Variants in CACNA1E observed in about 807,000 individuals in gnomAD.
The protein encoded by CACNA1E is voltage-dependent R-type calcium channel subunit alpha-1E.
Under a neutral mutation model 259.2 loss-of-function variants are expected in CACNA1E, and 40 were observed. That is an observed-to-expected ratio of 0.15 (90% confidence interval 0.12 to 0.20). CACNA1E has a LOEUF of 0.20. CACNA1E is among the 10% of genes least tolerant of loss of function. The probability of loss-of-function intolerance (pLI) is 1.00; values close to 1 mark genes in which losing one functional copy is unlikely to be tolerated. For missense variants in CACNA1E, 1,874 were observed against 3,040.1 expected, an observed-to-expected ratio of 0.62 and a Z score of 9.02; for synonymous variants, 1,104 against 1,138.5, an observed-to-expected ratio of 0.97 and a Z score of 0.61.
At position 181,651,227 on chromosome 1, in the gene CACNA1E, A is replaced by G. The variant is rs925521967; in HGVS notation, c.952-111A>G. The G allele has an allele frequency of 4.4e-6, 3 of 685,188 alleles. No individual in the cohort carries two copies. In the East Asian group the frequency reaches 7.8e-5, roughly 18 times the overall value. The allele number at this position is 685,188 out of a possible 1,614,324, so 42.4% of individuals were successfully genotyped here. On this transcript the variant is annotated intron_variant, in intron 6 of 47. Transcript: ENST00000367573. ...TTGGGAATGGAGTAAGGCAATATTT[A>G]ACTGTATTGCATTGTGGTTTTTACA...
intron 1 of CACNA1E, among the ~76,000 whole-genome samples, chr1:181,335,605 C>T (rs939843561): frequency 6.6e-6 from 1 of 152,184 alleles, no homozygotes; most frequent in Admixed American, 6.5e-5. Context: ...GGCCTGCATC[C>T]TGGAGCATGC....
chr1:181,590,054 C>T (rs563481064), intron 6 of CACNA1E, among the ~76,000 whole-genome samples: 6 of 152,214 alleles, frequency 3.9e-5, no homozygotes, highest in Admixed American at 2.0e-4. Flanking sequence ...AAACAATATG[C>T]GTAGATTTAC....
intron 1 of CACNA1E, among the ~76,000 whole-genome samples, chr1:181,377,002 C>T (rs1655144490): frequency 6.6e-6 from 1 of 152,088 alleles, no homozygotes; most frequent in Non-Finnish European, 1.5e-5. Flanking sequence ...CTGTATGGTC[C>T]CTTACCTTGA....
chr1:181,673,065 A>C (rs1483644307), intron 7 of CACNA1E, among the ~76,000 whole-genome samples: 1 of 152,196 alleles, frequency 6.6e-6, no homozygotes, highest in Non-Finnish European at 1.5e-5. Flanking sequence ...TTATGTGTTA[A>C]TTGAGAGGGT....
rs1172091933 is a variant in CACNA1E at position 181,473,451 on chromosome 1, G to A, written c.435-10293G>A. Among the ~76,000 whole-genome samples the A allele has an allele frequency of 2.0e-5, 3 of 152,204 alleles. No individual in the cohort carries two copies. In the East Asian group the frequency reaches 5.8e-4, roughly 29 times the overall value. Reference sequence around the variant, plus strand: ...TTCTTGATCTGACTCCTGTTGCTCTGGGATATTGCAATGCAAAATGACAGC... The same window carrying A: ...TTCTTGATCTGACTCCTGTTGCTCTAGGATATTGCAATGCAAAATGACAGC... On this transcript the variant is annotated intron_variant, in intron 2 of 11. Transcript: ENST00000524607.
chr1:181,791,294 A>G (rs577639337), intron 44 of CACNA1E, among the ~76,000 whole-genome samples: 1 of 152,114 alleles, frequency 6.6e-6, no homozygotes, highest in South Asian at 2.1e-4. Flanking sequence ...ACACGGTGAA[A>G]CCCCGTCTCT....
chr1:181,562,936 T>C (rs903263100), intron 3 of CACNA1E, among the ~76,000 whole-genome samples: 2 of 152,212 alleles, frequency 1.3e-5, no homozygotes, highest in Admixed American at 6.5e-5. Flanking sequence ...TTCCTGTATA[T>C]AGGCACAATT....
chr1:181,522,502 A>C (rs1479994092), intron 3 of CACNA1E, among the ~76,000 whole-genome samples: 1 of 152,244 alleles, frequency 6.6e-6, no homozygotes, highest in Admixed American at 6.5e-5. Context: ...TCAAAAGATC[A>C]AGCCAACCCA....
intron 1 of CACNA1E, among the ~76,000 whole-genome samples, chr1:181,407,455 A>C (rs992661049): frequency 6.6e-5 from 10 of 152,204 alleles, no homozygotes; most frequent in African/African-American, 2.4e-4. Flanking sequence ...GTTTGAAGAC[A>C]TGGTTCCTAG....
chr1:181,636,944 CCTT>C (rs1351680485), intron 6 of CACNA1E, among the ~76,000 whole-genome samples: 3 of 152,208 alleles, frequency 2.0e-5, no homozygotes, highest in African/African-American at 7.2e-5. Flanking sequence ...GTTTTCTGAA[CCTT>C]CTCCAAAGAG....
intron 1 of CACNA1E, among the ~76,000 whole-genome samples, chr1:181,410,348 C>T (rs1158172374): frequency 6.6e-6 from 1 of 152,192 alleles, no homozygotes; most frequent in Admixed American, 6.5e-5. Context: ...TCCCTGATCC[C>T]TTGACCTGGC....
intron 25 of CACNA1E, among the ~76,000 whole-genome samples, chr1:181,745,659 C>T (rs574502575): frequency 2.0e-5 from 3 of 152,278 alleles, no homozygotes; most frequent in Non-Finnish European, 4.4e-5. Context: ...AGCCACCTTC[C>T]TAATCCACAT....
intron 1 of CACNA1E, among the ~76,000 whole-genome samples, chr1:181,330,860 C>T (rs2102596048): frequency 6.6e-6 from 1 of 152,284 alleles, no homozygotes; most frequent in East Asian, 1.9e-4. Flanking sequence ...TACCTAACCT[C>T]ACAGGATTTG....
intron 3 of CACNA1E, among the ~76,000 whole-genome samples, chr1:181,531,017 A>C (rs963858221): frequency 6.6e-6 from 1 of 152,212 alleles, no homozygotes; most frequent in East Asian, 1.9e-4. Context: ...ATCTACATCT[A>C]TATTTCATAT....
At chr1:181,366,867 A>G (rs768765643) in intron 1 of CACNA1E, among the ~76,000 whole-genome samples, 4 of 152,204 alleles carry the variant, frequency 2.6e-5, no homozygotes, top group Non-Finnish European at 5.9e-5. Flanking sequence ...CTTAACCTGT[A>G]TGATCTATAA....
At position 181,772,327 on chromosome 1, in the gene CACNA1E, G is replaced by A. The variant is rs958472430; in HGVS notation, c.5139+96G>A. ...ACCGGAGATGTTTGCTTCAGTGTAT[G>A]TTTGTGCCTCCCTCCCCTCCTCTCT... On this transcript the variant is annotated intron_variant, in intron 37 of 47. Coordinates refer to ENST00000367573, the MANE Select transcript of CACNA1E (RefSeq NM_001205293.3). The A allele has an allele frequency of 3.1e-6, 4 of 1,274,906 alleles. No individual in the cohort carries two copies. In the African/African-American group the frequency reaches 5.9e-5, roughly 19 times the overall value. 79.0% of individuals were successfully genotyped at this position (1,274,906 alleles called of 1,614,324 possible).
At chr1:181,632,022 C>A (rs1656794734) in intron 6 of CACNA1E, among the ~76,000 whole-genome samples, 1 of 152,200 alleles carries the variant, frequency 6.6e-6, no homozygotes, top group Non-Finnish European at 1.5e-5. Flanking sequence ...AGCAACAAAT[C>A]TGTCTGATAT....
At chr1:181,376,789 A>C (rs769858019) in intron 1 of CACNA1E, among the ~76,000 whole-genome samples, 1 of 152,072 alleles carries the variant, frequency 6.6e-6, no homozygotes, top group Non-Finnish European at 1.5e-5. Context: ...TCTCTTTGTC[A>C]CATTCGACTC....
chr1:181,560,281 G>GAA lies in CACNA1E; in HGVS notation c.513-17478_513-17477dup, dbSNP rs75116319. On this transcript the variant is annotated intron_variant, in intron 3 of 47. Transcript: ENST00000367573. ...GATTATAAGGAATATATTTCCATTG[G>GAA]AAAAAAAATCAAGAAAATACAGATA... Among the ~76,000 whole-genome samples, 174 of 150,246 alleles carry GAA rather than the reference G, an allele frequency of 1.2e-3. 2 individuals are homozygous for GAA. The East Asian group carries it at 0.013, about 11-fold the overall frequency.
Sources: allele counts gnomAD v4.1 joint callset (sites outside exome capture counted in the v4.1 genomes callset), GRCh38; gene constraint gnomAD v4.1.1; transcripts MANE v1.5; gene names NCBI Gene and HGNC (gene_info 2026-07-23, HGNC 2026-07-21).